PRICKLE1: variants seen among roughly 807,000 people sequenced by gnomAD.
The protein encoded by PRICKLE1 is prickle planar cell polarity protein 1.
In PRICKLE1, 14 loss-of-function variants were observed where a neutral mutation model predicts 70.2. The ratio of observed to expected loss-of-function variants is 0.20; its 90% CI spans 0.13 to 0.31. The LOEUF is 0.31. Among genes scored for constraint, PRICKLE1 ranks in the 10% least tolerant of loss-of-function variants. PRICKLE1 has a pLI of 1.00. For missense variants in PRICKLE1, 821 were observed against 1,026.2 expected (o/e 0.80, Z 2.73); for synonymous variants, 357 against 379.9 (o/e 0.94, Z 0.70).
intron 1 of PRICKLE1, among the ~76,000 whole-genome samples, chr12:42,473,388 G>C (rs1285606042): frequency 6.6e-6 from 1 of 152,224 alleles, no homozygotes; most frequent in African/African-American, 2.4e-5. Context: ...TATGGGCAGA[G>C]TAAGATGTAA....
intron 1 of PRICKLE1, among the ~76,000 whole-genome samples, chr12:42,586,164 T>G (rs1940984359): frequency 6.6e-6 from 1 of 152,160 alleles, no homozygotes; most frequent in Non-Finnish European, 1.5e-5. Flanking sequence ...AACACAATCC[T>G]TTCACTTTCC....
intron 1 of PRICKLE1, among the ~76,000 whole-genome samples, chr12:42,534,315 G>A (rs1340848750): frequency 3.9e-5 from 6 of 152,076 alleles, no homozygotes; most frequent in East Asian, 1.9e-4. Context: ...GCAGAGGTGC[G>A]GGTACTGGTC....
chr12:42,548,282 A>AGTTTCAGATTTTGGAGC (rs1385517725), intron 1 of PRICKLE1, among the ~76,000 whole-genome samples: 2 of 152,178 alleles, frequency 1.3e-5, no homozygotes, highest in East Asian at 1.9e-4. Flanking sequence ...GTGCTCAAAA[A>AGTTTCAGATTTTGGAGC]GTTTCAGATT....
intron 1 of PRICKLE1, among the ~76,000 whole-genome samples, chr12:42,538,568 T>A (rs1258908302): frequency 6.6e-6 from 1 of 152,212 alleles, no homozygotes; most frequent in Admixed American, 6.5e-5. Flanking sequence ...TCACTCCATG[T>A]CCCGAGCATG....
Position 42,459,456 on chromosome 12 carries a change from C to G in PRICKLE1, c.*353G>C, listed in dbSNP as rs1937711805. ...ATAAATGACAAACACTAGTGCTTTA[C>G]AAAGGTGGCTGGAGTTCTCCATCTT... On this transcript the variant is annotated 3_prime_UTR_variant, in exon 8 of 8. Transcript: ENST00000345127. The G allele has an allele frequency of 2.9e-6, 2 of 678,614 alleles. No homozygotes were observed. The highest frequency in any genetic ancestry group is 3.1e-5 in the South Asian group (2 of 64,288). The allele number at this position is 678,614 out of a possible 1,614,324, so 42.0% of individuals were successfully genotyped here.
rs115733220 is a variant in PRICKLE1 at position 42,522,273 on chromosome 12, G to A, written c.-48-49709C>T. ...TTACAGGTGTGAGCTACCATACCTG[G>A]CCTTAACTTTTTTGTAAGAGACAGC... is the stretch of plus-strand genomic sequence containing the variant. On this transcript the variant is annotated intron_variant, in intron 1 of 7. Transcript: ENST00000345127. 2.7e-3 allele frequency among the ~76,000 whole-genome samples: 404 copies of A among 152,032 alleles called. 1 individual carries two copies. The highest frequency in any genetic ancestry group is 9.3e-3 in the African/African-American group (385 of 41,450).
chr12:42,523,057 GT>G (rs1274700193), intron 1 of PRICKLE1, among the ~76,000 whole-genome samples: 1 of 151,754 alleles, frequency 6.6e-6, no homozygotes, highest in Admixed American at 6.6e-5. Context: ...CGCCTCCTGG[GT>G]TCACACCATT....
chr12:42,469,054 TCA>T (rs1352430036), intron 4 of PRICKLE1, among the ~76,000 whole-genome samples: 2 of 152,210 alleles, frequency 1.3e-5, no homozygotes, highest in Non-Finnish European at 2.9e-5. Context: ...GTAATCTGAT[TCA>T]CACAAATAGT....
chr12:42,560,140 A>C (rs1338039351), intron 1 of PRICKLE1, among the ~76,000 whole-genome samples: 6 of 112,184 alleles, frequency 5.3e-5, no homozygotes, highest in Admixed American at 1.6e-4. Context: ...TATTATTATT[A>C]TTATTATTAT....
chr12:42,542,892 C>A (rs1444854505), intron 1 of PRICKLE1, among the ~76,000 whole-genome samples: 1 of 152,138 alleles, frequency 6.6e-6, no homozygotes, highest in African/African-American at 2.4e-5. Context: ...TATGGTGAAA[C>A]CTAATTACCA....
intron 1 of PRICKLE1, chr12:42,489,621 T>C (rs1939056909): frequency 7.5e-6 from 1 of 133,298 alleles, no homozygotes; most frequent in Non-Finnish European, 1.5e-5. Flanking sequence ...ATTGAGCCAT[T>C]GCACTTAAAC....
chr12:42,532,765 C>T (rs952106200), intron 1 of PRICKLE1, among the ~76,000 whole-genome samples: 3 of 151,858 alleles, frequency 2.0e-5, no homozygotes, highest in South Asian at 4.2e-4. Flanking sequence ...CACGCTGTGG[C>T]GGGCGCCTGT....
intron 1 of PRICKLE1, among the ~76,000 whole-genome samples, chr12:42,581,457 G>A (rs1265250964): frequency 3.3e-5 from 5 of 151,768 alleles, no homozygotes; most frequent in African/African-American, 1.2e-4. Flanking sequence ...AAAGGTTATG[G>A]AACTAAGCCA....
intron 1 of PRICKLE1, among the ~76,000 whole-genome samples, chr12:42,567,009 T>A (rs1940631574): frequency 6.6e-6 from 1 of 152,216 alleles, no homozygotes; most frequent in African/African-American, 2.4e-5. Flanking sequence ...AATATTACTA[T>A]TTTAAATAAT....
intron 1 of PRICKLE1, among the ~76,000 whole-genome samples, chr12:42,544,567 A>G (rs1940173498): frequency 6.6e-6 from 1 of 152,262 alleles, no homozygotes. Context: ...AGTAAAAGTT[A>G]GTGAACATTA....
rs1317439053 is a variant in PRICKLE1, at chr12:42,463,720, C to CA, written c.1639+674dup. 2.2e-3 allele frequency: 310 copies of CA among 140,810 alleles called. 2 individuals are homozygous for CA. Among genetic ancestry groups the CA allele is most frequent in the African/African-American group, 5.8e-3 (220 of 38,180 alleles). The allele number at this position is 140,810 out of a possible 1,614,324, so 8.7% of individuals were successfully genotyped here. A position where few individuals can be genotyped will look rare whatever the true frequency, so the allele number is the denominator to read the frequency against. On this transcript the variant is annotated intron_variant, in intron 7 of 7. Transcript: ENST00000345127. ...GGGCGACAAGGGCGAAACTCCACCT[C>CA]AAAAAAAAAAAGAGCTTGTAAAGTG...
At chr12:42,515,719 TCTG>T (rs1313414170) in intron 1 of PRICKLE1, among the ~76,000 whole-genome samples, 3 of 152,230 alleles carry the variant, frequency 2.0e-5, no homozygotes, top group African/African-American at 7.2e-5. Context: ...AGGGTTCTGC[TCTG>T]CTATCCTCTG....
At chr12:42,487,205 T>G (rs747918093) in intron 1 of PRICKLE1, among the ~76,000 whole-genome samples, 1 of 152,240 alleles carries the variant, frequency 6.6e-6, no homozygotes, top group Non-Finnish European at 1.5e-5. Context: ...TTGTCAATTT[T>G]AAACATTTCT....
At chr12:42,474,473 A>C (rs1320212718) in intron 1 of PRICKLE1, among the ~76,000 whole-genome samples, 1 of 152,210 alleles carries the variant, frequency 6.6e-6, no homozygotes. Context: ...ACCCTGAACA[A>C]GAAGTGAAGA....
Sources: allele counts gnomAD v4.1 joint callset (sites outside exome capture counted in the v4.1 genomes callset), GRCh38; gene constraint gnomAD v4.1.1; transcripts MANE v1.5; gene names NCBI Gene and HGNC (gene_info 2026-07-23, HGNC 2026-07-21).